Variants in OR8G5 observed in about 807,000 individuals in gnomAD.
The protein encoded by OR8G5 is olfactory receptor family 8 subfamily G member 5.
For missense variants in OR8G5, 347 were observed against 371.9 expected (o/e 0.93, Z 0.55); for synonymous variants, 147 against 147.7 (o/e 1.00, Z 0.03).
chr11:124,266,118 A>T lies in OR8G5; in HGVS notation c.*251A>T. ...ATTGACATAGTGAAATAGTGGCATA[A>T]CCTGATAATGCCAGTTACATTCCCT... On this transcript the variant is annotated 3_prime_UTR_variant, in exon 2 of 2. Transcript: ENST00000641992. 2.4e-6 allele frequency: 1 copy of T among 423,140 alleles called. No homozygotes were observed. The allele number at this position is 423,140 out of a possible 1,614,324, so 26.2% of individuals were successfully genotyped here. A position where few individuals can be genotyped will look rare whatever the true frequency, so the allele number is the denominator to read the frequency against.
At chr11:124,264,240 ATTTGAATACAAGCAC>A (rs1312489601) in intron 1 of OR8G5, among the ~76,000 whole-genome samples, 1 of 152,172 alleles carries the variant, frequency 6.6e-6, no homozygotes, top group Non-Finnish European at 1.5e-5. Flanking sequence ...CGGGGTCAGA[ATTTGAATACAAGCAC>A]TTTGACTTTA....
At chr11:124,258,575 A>AAAT (rs774679113) in intron 1 of OR8G5, among the ~76,000 whole-genome samples, 18 of 151,574 alleles carry the variant, frequency 1.2e-4, no homozygotes, top group Non-Finnish European at 2.1e-4. Context: ...ATAAATAAAT[A>AAAT]AATAATAATA....
chr11:124,261,155 A>G (rs1861967521), intron 1 of OR8G5, among the ~76,000 whole-genome samples: 1 of 151,850 alleles, frequency 6.6e-6, no homozygotes, highest in Non-Finnish European at 1.5e-5. Context: ...ATAGTATTCC[A>G]TTGTGTATGT....
chr11:124,259,282 CAT>C (rs570907576), intron 1 of OR8G5, among the ~76,000 whole-genome samples: 161 of 152,160 alleles, frequency 1.1e-3, no homozygotes, highest in Middle Eastern at 3.4e-3. Context: ...GATATTTACA[CAT>C]GAGTTGAAAA....
chr11:124,258,589 AT>A lies in OR8G5; in HGVS notation c.-15+1956del, dbSNP rs200546699. Among the ~76,000 whole-genome samples the A allele has an allele frequency of 7.1e-3, 1,076 of 151,492 alleles. 10 individuals are homozygous for A. Among genetic ancestry groups the A allele is most frequent in the African/African-American group, 0.024 (991 of 41,436 alleles). ...AATAAATAAATAAATAATAATAATA[AT>A]AAAAAAGACATTCATAATTAAACAT... On this transcript the variant is annotated intron_variant, in intron 1 of 1. Transcript: ENST00000641992.
intron 1 of OR8G5, among the ~76,000 whole-genome samples, chr11:124,263,727 ATAGT>A (rs67195041): frequency 0.48 from 72,793 of 151,394 alleles, 18,213 homozygotes; most frequent in East Asian, 0.58. Context: ...CAGAAGTTTT[ATAGT>A]TAGTTTTATG....
At chr11:124,260,830 C>G (rs1032878769) in intron 1 of OR8G5, among the ~76,000 whole-genome samples, 1 of 151,910 alleles carries the variant, frequency 6.6e-6, no homozygotes. Context: ...GTGTTGGAAA[C>G]ATTTTAAACC....
At chr11:124,262,674 TACACACAC>T (rs377046056) in intron 1 of OR8G5, among the ~76,000 whole-genome samples, 1 of 151,080 alleles carries the variant, frequency 6.6e-6, no homozygotes, top group African/African-American at 2.4e-5. Flanking sequence ...TATGTACATA[TACACACAC>T]ACACACATAC....
chr11:124,260,401 A>T (rs1861958249), intron 1 of OR8G5, among the ~76,000 whole-genome samples: 2 of 151,834 alleles, frequency 1.3e-5, no homozygotes, highest in Non-Finnish European at 2.9e-5. Context: ...AAAAATAACT[A>T]ATAGGTACAA....
chr11:124,258,494 G>C (rs1190817107), intron 1 of OR8G5, among the ~76,000 whole-genome samples: 1 of 151,742 alleles, frequency 6.6e-6, no homozygotes, highest in Non-Finnish European at 1.5e-5. Context: ...GGAGGTGAAG[G>C]TTGCAGTGAG....
chr11:124,265,008 C>G lies in OR8G5; in HGVS notation c.77C>G (p.Pro26Arg). 1 of 1,613,952 alleles carries G rather than the reference C, an allele frequency of 6.2e-7. No individual in the cohort carries two copies. The highest frequency in any genetic ancestry group is 2.2e-5 in the East Asian group (1 of 44,870). Residue 26 changes from proline to arginine, a missense_variant, in exon 2 of 2, where the codon CCC becomes CGC. By Grantham distance (103) the Pro-to-Arg change is moderately radical. Transcript: ENST00000641992. ...GLTEKSELQL[P>R]LFLVFLGIYV... ...ACAGAGAAGTCAGAGCTACAGCTGCCCCTCTTCCTCGTCTTCCTGGGAATC... is the reference window on the plus strand; with the variant it reads ...ACAGAGAAGTCAGAGCTACAGCTGCGCCTCTTCCTCGTCTTCCTGGGAATC...
chr11:124,264,746 G>A (rs1340499309), intron 1 of OR8G5, 172 bp from the exon 2 acceptor site: 2 of 719,646 alleles, frequency 2.8e-6, no homozygotes, highest in East Asian at 2.7e-5. Flanking sequence ...TTATCATATA[G>A]AATACCAGTT....
chr11:124,260,614 G>T (rs1376314292), intron 1 of OR8G5, among the ~76,000 whole-genome samples: 14 of 151,832 alleles, frequency 9.2e-5, no homozygotes, highest in Admixed American at 9.2e-4. Context: ...ATAAGTTTGA[G>T]AGACTTAATA....
At position 124,265,297 on chromosome 11, in the gene OR8G5, C is replaced by T. The variant is rs1226092466; in HGVS notation, c.366C>T (p.Gly122=). 1.9e-6 allele frequency: 3 copies of T among 1,614,034 alleles called. No homozygotes were observed. Among genetic ancestry groups the T allele is most frequent in the East Asian group, 2.2e-5 (1 of 44,878 alleles). ...CHMLAAMAYD[G]YVAICSPLLY... ...TGTTGGCTGCAATGGCATATGACGG[C>T]TACGTGGCCATCTGTAGCCCCTTGC... Residue 122 remains glycine, a synonymous_variant, in exon 2 of 2, where the codon GGC becomes GGT. Transcript: ENST00000641992.
In OR8G5 at chr11:124,265,097, C is replaced by T. The variant is rs141886948; in HGVS notation, c.166C>T (p.His56Tyr). 6.8e-3 allele frequency: 11,023 copies of T among 1,614,102 alleles called. 228 individuals carry two copies. The highest frequency in any genetic ancestry group is 0.059 in the Admixed American group (3,553 of 60,012). The change falls in exon 2 of 2, where the codon CAC becomes TAC. Residue 56 changes from histidine to tyrosine, a missense_variant. Coordinates refer to ENST00000641992, the MANE Select transcript of OR8G5 (RefSeq NM_001005198.2). ...ACTGATTGGGCTCAGTTCTCACCTGCACACACCTATGTACTGTTTCCTCAG... is the reference window on the plus strand; with the variant it reads ...ACTGATTGGGCTCAGTTCTCACCTGTACACACCTATGTACTGTTTCCTCAG... ...ITLIGLSSHL[H>Y]TPMYCFLSSL... is the part of the protein sequence containing the mutation.
Position 124,265,388 on chromosome 11 carries a change from C to G in OR8G5, c.457C>G (p.Leu153Val). ...SLILVVYVIG[L>V]ICASAHIGCM... ...GATTTTAGTGGTGTATGTAATAGGCCTGATTTGTGCGTCAGCTCATATAGG... is the reference window on the plus strand; with the variant it reads ...GATTTTAGTGGTGTATGTAATAGGCGTGATTTGTGCGTCAGCTCATATAGG... Residue 153 changes from leucine to valine, a missense_variant, in exon 2 of 2, where the codon CTG becomes GTG. Transcript: ENST00000641992. 1 of 1,613,966 alleles carries G rather than the reference C, an allele frequency of 6.2e-7. No homozygotes were observed. The highest frequency in any genetic ancestry group is 8.5e-7 in the Non-Finnish European group (1 of 1,179,888).
intron 1 of OR8G5, among the ~76,000 whole-genome samples, chr11:124,261,332 G>A (rs933026276): frequency 2.0e-5 from 3 of 151,710 alleles, no homozygotes; most frequent in Non-Finnish European, 3.0e-5. Context: ...TTCTTTTTGT[G>A]CTTCTTTCAA....
chr11:124,266,059 G>A lies in OR8G5; in HGVS notation c.*192G>A, dbSNP rs910560132. 2.0e-5 allele frequency: 13 copies of A among 656,870 alleles called. No homozygotes were observed. Among genetic ancestry groups the A allele is most frequent in the East Asian group, 3.0e-5 (1 of 33,768 alleles). 40.7% of individuals were successfully genotyped at this position (656,870 alleles called of 1,614,324 possible). A position where few individuals can be genotyped will look rare whatever the true frequency, so the allele number is the denominator to read the frequency against. On this transcript the variant is annotated 3_prime_UTR_variant, in exon 2 of 2. Coordinates refer to ENST00000641992, the MANE Select transcript of OR8G5 (RefSeq NM_001005198.2). The stretch of plus-strand genomic sequence containing the variant: ...TCATTTTTTCTCTCATAAGGATTAC[G>A]AAGACATGATATTTTCTTAGAAGAA...
rs779900923 is a variant in OR8G5 at position 124,265,654 on chromosome 11, C to T, written c.723C>T (p.Cys241=). 7 of 1,614,006 alleles carry T rather than the reference C, an allele frequency of 4.3e-6. No homozygotes were observed. In the South Asian group the frequency reaches 6.6e-5, roughly 15 times the overall value. Residue 241 remains cysteine, a synonymous_variant, in exon 2 of 2, where the codon TGC becomes TGT. Transcript: ENST00000641992. Reference sequence around the variant, plus strand: ...GCAGGTCCAAAGCCTTCAGCACTTGCAGCTCCCACATCTCGGCTGTTTCTG... The same window carrying T: ...GCAGGTCCAAAGCCTTCAGCACTTGTAGCTCCCACATCTCGGCTGTTTCTG... The part of the protein sequence containing the change: ...TEGRSKAFST[C]SSHISAVSVF...
Sources: allele counts gnomAD v4.1 joint callset (sites outside exome capture counted in the v4.1 genomes callset), GRCh38; gene constraint gnomAD v4.1.1; transcripts MANE v1.5; gene names NCBI Gene and HGNC (gene_info 2026-07-23, HGNC 2026-07-21).